Variants in NOX1 observed in about 807,000 individuals in gnomAD.
NOX1 encodes the protein NADPH oxidase 1.
In NOX1, 34 loss-of-function variants were observed where a neutral mutation model predicts 42.5. The observed-to-expected ratio is 0.80, with a 90% CI of 0.61 to 1.07. The LOEUF is 1.07. Ranked by LOEUF, NOX1 falls within the 50% of genes least tolerant of loss-of-function variation. NOX1 has a pLI of 0.00. For missense variants in NOX1, 408 were observed against 427.0 expected (o/e 0.96, Z 0.39); for synonymous variants, 143 against 152.5 (o/e 0.94, Z 0.46).
chrX:100,853,295 T>TC (rs1491203947), intron 7 of NOX1, among the ~76,000 whole-genome samples: 94 of 74,066 alleles, frequency 1.3e-3, no homozygotes, highest in African/African-American at 4.2e-3. Context: ...TCTTTCTTTC[T>TC]TTCTTTCTTT....
chrX:100,844,908 C>G (rs975788440), intron 12 of NOX1, among the ~76,000 whole-genome samples: 1 of 112,218 alleles, frequency 8.9e-6, no homozygotes, highest in Non-Finnish European at 1.9e-5. Flanking sequence ...AACCCATCCA[C>G]TGTGAGCTTA....
Position 100,863,551 on chromosome X carries a change from A to G in NOX1, c.186T>C (p.Phe62=). Residue 62 remains phenylalanine, a synonymous_variant, in exon 3 of 13, where the codon TTT becomes TTC. Transcript: ENST00000372966. The part of the protein sequence containing the change: ...CARASALCLN[F]NSTLILLPVC... ...CAGGAAGCAGGATCAGCGTGCTGTT[A>G]AAATTCAAGCAGAGAGCAGACGCTC... 2 of 1,211,183 alleles carry G rather than the reference A, an allele frequency of 1.7e-6. No individual in the cohort carries two copies. The highest frequency in any genetic ancestry group is 2.2e-6 in the Non-Finnish European group (2 of 895,444).
chrX:100,866,851 A>G lies in NOX1; in HGVS notation c.142-3256T>C, dbSNP rs2085241560. Among the ~76,000 whole-genome samples the G allele has an allele frequency of 2.7e-5, 3 of 110,180 alleles. No homozygotes were observed. In the South Asian group the frequency reaches 1.2e-3, roughly 43 times the overall value. On this transcript the variant is annotated intron_variant, in intron 2 of 12. Transcript: ENST00000372966. Reference sequence around the variant, plus strand: ...AGGTGATAGGTAACTAAAAACCCAGACTTCATCACTATGCAATATATGCAT... The same window carrying G: ...AGGTGATAGGTAACTAAAAACCCAGGCTTCATCACTATGCAATATATGCAT...
intron 7 of NOX1, among the ~76,000 whole-genome samples, chrX:100,859,387 C>G (rs1374546135): frequency 1.8e-5 from 2 of 111,491 alleles, no homozygotes; most frequent in East Asian, 5.6e-4. Context: ...GGATATTGGC[C>G]TGAAGTTTTC....
At chrX:100,856,793 G>A (rs1056512179) in intron 7 of NOX1, among the ~76,000 whole-genome samples, 2 of 110,771 alleles carry the variant, frequency 1.8e-5, no homozygotes, top group Non-Finnish European at 3.8e-5. Context: ...GATTGGTCTC[G>A]AACTCTTGAG....
At chrX:100,861,100 T>A (rs760103419) in intron 7 of NOX1, among the ~76,000 whole-genome samples, 1 of 111,413 alleles carries the variant, frequency 9.0e-6, no homozygotes, top group Non-Finnish European at 1.9e-5. Flanking sequence ...GGGTGGTTTA[T>A]CTTATTTAGA....
chrX:100,863,697 G>C (rs914581676), intron 2 of NOX1, 102 bp from the exon 3 acceptor site: 143 of 1,080,600 alleles, frequency 1.3e-4, no homozygotes, highest in Non-Finnish European at 1.7e-4. Flanking sequence ...AAATGAACAG[G>C]GCTACAGCTG....
In NOX1 at chrX:100,843,525, T is replaced by A; in HGVS notation, c.*427A>T. On this transcript the variant is annotated 3_prime_UTR_variant, in exon 13 of 13. Transcript: ENST00000372966. ...ATTAATTATTCAATAAATTTTTATT[T>A]AAAAAGTCACCCTACTTAGAAATCT... The A allele has an allele frequency of 9.9e-7, 1 of 1,013,740 alleles. No homozygotes were observed. The highest frequency in any genetic ancestry group is 1.3e-6 in the Non-Finnish European group (1 of 780,510). The allele number at this position is 1,013,740 out of a possible 1,213,427, so 83.5% of individuals were successfully genotyped here.
rs781062964 is a variant in NOX1 at position 100,874,119 on chromosome X, G to T, written c.21C>A (p.Asn7Lys). The stretch of plus-strand genomic sequence containing the variant: ...CCAGAAACAAAACTGAAAACCAGTG[G>T]TTAACCACCCAGTTTCCCATTGTCA... MGNWVV[N>K]HWFSVLFLVV... is the part of the protein sequence containing the mutation. The change falls in exon 1 of 13, where the codon AAC (asparagine) becomes AAA (lysine). Residue 7 changes from asparagine to lysine, a missense_variant. By Grantham distance (94) the Asn-to-Lys change is moderately conservative (BLOSUM62 0). Transcript: ENST00000372966. 31 of 1,203,692 alleles carry T rather than the reference G, an allele frequency of 2.6e-5. No homozygotes were observed. The Admixed American group carries it at 2.6e-4, about 10-fold the overall frequency.
At chrX:100,859,719 T>C (rs1230634923) in intron 7 of NOX1, among the ~76,000 whole-genome samples, 3 of 109,298 alleles carry the variant, frequency 2.7e-5, no homozygotes, top group Non-Finnish European at 5.7e-5. Context: ...TTTTTTTTTT[T>C]AGTTTGTGTG....
At chrX:100,867,483 T>C (rs767484287) in intron 2 of NOX1, among the ~76,000 whole-genome samples, 2 of 112,767 alleles carry the variant, frequency 1.8e-5, no homozygotes, top group East Asian at 5.6e-4. Flanking sequence ...ATGCAATGAA[T>C]TGTTATTCTC....
At position 100,863,208 on chromosome X, in the gene NOX1, G is replaced by T; in HGVS notation, c.288C>A (p.His96Gln). 2.5e-6 allele frequency: 3 copies of T among 1,208,490 alleles called. No individual in the cohort carries two copies. The highest frequency in any genetic ancestry group is 3.4e-6 in the Non-Finnish European group (3 of 892,379). Reference sequence around the variant, plus strand: ...CCACCAGCTTGTGGAAGGTGAGGTTGTGATCCAATTGCTTTCTCAGTGTGC... The same window carrying T: ...CCACCAGCTTGTGGAAGGTGAGGTTTTGATCCAATTGCTTTCTCAGTGTGC... ...CSRTLRKQLDHNLTFHKLVAY... is the reference protein window; with the variant it reads ...CSRTLRKQLDQNLTFHKLVAY... The change falls in exon 4 of 13, where the codon CAC becomes CAA. Residue 96 changes from histidine (H) to glutamine (Q), a missense_variant. Coordinates refer to ENST00000372966, the MANE Select transcript of NOX1 (RefSeq NM_007052.5).
intron 7 of NOX1, among the ~76,000 whole-genome samples, chrX:100,853,272 TTC>T (rs1491391472): frequency 7.0e-5 from 4 of 56,746 alleles, no homozygotes; most frequent in Non-Finnish European, 1.3e-4. Flanking sequence ...CTTTCTTTCT[TTC>T]TTTCTTTCTT....
In NOX1 at chrX:100,843,986, T is replaced by C. The variant is rs1315184147; in HGVS notation, c.1661A>G (p.Lys554Arg). ...TTCTTTGTTGAAGTAGAATTGAACC[T>C]TTCTAGGATCCAGACTGGAATATCG... The part of the protein sequence containing the change: ...CHRYSSLDPR[K>R]VQFYFNKENF Residue 554 changes from lysine to arginine, a missense_variant, in exon 13 of 13, where the codon AAG becomes AGG. Transcript: ENST00000372966. The C allele has an allele frequency of 8.3e-7, 1 of 1,206,746 alleles. No individual in the cohort carries two copies.
chrX:100,861,242 T>A (rs1325734127), intron 7 of NOX1, among the ~76,000 whole-genome samples: 3 of 111,712 alleles, frequency 2.7e-5, no homozygotes, highest in Admixed American at 1.9e-4. Flanking sequence ...ATAGCTTTTT[T>A]CCCAGATGAT....
At position 100,874,234 on chromosome X, in the gene NOX1, C is replaced by T. The variant is rs2085293955; in HGVS notation, c.-95G>A. On this transcript the variant is annotated 5_prime_UTR_variant, in exon 1 of 13. Coordinates refer to ENST00000372966, the MANE Select transcript of NOX1 (RefSeq NM_007052.5). ...CTTCAGGAATGGAACATTTGTCCAG[C>T]GCAGGGTCTGTGAGCCTTTAAGATG... 2 of 597,112 alleles carry T rather than the reference C, an allele frequency of 3.3e-6. No homozygotes were observed. The highest frequency in any genetic ancestry group is 2.7e-5 in the South Asian group (1 of 36,764). 49.2% of individuals were successfully genotyped at this position (597,112 alleles called of 1,213,427 possible). A position where few individuals can be genotyped will look rare whatever the true frequency, so the allele number is the denominator to read the frequency against.
intron 7 of NOX1, among the ~76,000 whole-genome samples, chrX:100,859,263 T>C (rs1417992500): frequency 8.9e-6 from 1 of 112,412 alleles, no homozygotes; most frequent in East Asian, 2.8e-4. Flanking sequence ...GAACCAAACT[T>C]GCATCCCAGG....
intron 7 of NOX1, among the ~76,000 whole-genome samples, chrX:100,858,942 G>C (rs1169613051): frequency 9.0e-6 from 1 of 111,168 alleles, no homozygotes; most frequent in Non-Finnish European, 1.9e-5. Context: ...CTGCCTGATT[G>C]CTCTGGACAG....
rs775032861 is a variant in NOX1, at chrX:100,862,796, A to C, written c.362T>G (p.Phe121Cys). The C allele has an allele frequency of 7.4e-5, 89 of 1,198,883 alleles. No homozygotes were observed. The highest frequency in any genetic ancestry group is 9.9e-5 in the Non-Finnish European group (88 of 891,740). ...HTAIHIIAHL[F>C]NFDCYSRSRQ... ...GCTTCTGCTATAGCAGTCAAAGTTAAACAGGTGTGCAATGATGTGAATAGC... is the reference window on the plus strand; with the variant it reads ...GCTTCTGCTATAGCAGTCAAAGTTACACAGGTGTGCAATGATGTGAATAGC... The change falls in exon 5 of 13, where the codon TTT becomes TGT. Residue 121 changes from phenylalanine (F) to cysteine (C), a missense_variant. Phe to Cys is a radical substitution (Grantham distance 205). Coordinates refer to ENST00000372966, the MANE Select transcript of NOX1 (RefSeq NM_007052.5).
Sources: gnomAD v4.1 joint callset for allele counts (sites outside exome capture counted in the v4.1 genomes callset) on GRCh38, gnomAD v4.1.1 for gene constraint, MANE v1.5 for transcripts, NCBI Gene and HGNC (gene_info 2026-07-23, HGNC 2026-07-21) for gene names.